Variants in C3 observed in about 807,000 individuals in gnomAD.
C3 encodes complement C3.
In C3, 97 loss-of-function variants were observed where a neutral mutation model predicts 207.9. The observed-to-expected ratio is 0.47, with a 90% CI of 0.40 to 0.55. The LOEUF (loss-of-function observed/expected upper bound fraction) is 0.55, where lower values mean the gene tolerates loss of function less well. C3 is among the 20% of genes least tolerant of loss of function. C3 has a pLI of 0.00. For synonymous variants in C3, 848 were observed against 857.6 expected, an observed-to-expected ratio of 0.99 and a Z score of 0.20; for missense variants, 1,684 against 2,171.7, an observed-to-expected ratio of 0.78 and a Z score of 4.46.
chr19:6,683,698 G>A (rs903582729), intron 33 of C3, among the ~76,000 whole-genome samples: 16 of 152,046 alleles, frequency 1.1e-4, no homozygotes, highest in Admixed American at 3.3e-4. Flanking sequence ...TGATCTGCCC[G>A]CCTCAGCCTC....
At chr19:6,694,729 C>T (rs1333698049) in intron 23 of C3, 95 bp from the exon 24 acceptor site, 7 of 1,167,522 alleles carry the variant, frequency 6.0e-6, no homozygotes, top group East Asian at 2.4e-5. Context: ...CCAGCCAGGG[C>T]CAAGGGGTTA....
At chr19:6,693,567 C>A in intron 24 of C3, 80 bp from the exon 25 acceptor site, 2 of 1,261,110 alleles carry the variant, frequency 1.6e-6, no homozygotes, top group Non-Finnish European at 2.2e-6. Flanking sequence ...GGGCGGGGTG[C>A]AGAGAGGGGA....
Position 6,685,088 on chromosome 19 carries a change from T to C in C3, c.3869A>G (p.Gln1290Arg). 1 of 1,614,084 alleles carries C rather than the reference T, an allele frequency of 6.2e-7. No homozygotes were observed. The highest frequency in any genetic ancestry group is 8.5e-7 in the Non-Finnish European group (1 of 1,179,976). The part of the protein sequence containing the change: ...AQYQKDAPDH[Q>R]ELNLDVSLQL... The stretch of plus-strand genomic sequence containing the variant: ...GAGGGACACATCAAGGTTCAGTTCC[T>C]GGTGGTCAGGGGCGTCCTTTTGGTA... The change falls in exon 30 of 41, where the codon CAG (glutamine) becomes CGG (arginine). Residue 1290 changes from glutamine to arginine, a missense_variant. Coordinates refer to ENST00000245907, the MANE Select transcript of C3 (RefSeq NM_000064.4).
intron 27 of C3, among the ~76,000 whole-genome samples, chr19:6,689,843 A>G (rs11569519): frequency 0.11 from 16,046 of 152,154 alleles, 1,018 homozygotes; most frequent in Non-Finnish European, 0.13. Context: ...TTAGCCGGGT[A>G]TGGTGGCGGG....
At chr19:6,691,676 G>A (rs1918170860) in intron 26 of C3, among the ~76,000 whole-genome samples, 1 of 152,032 alleles carries the variant, frequency 6.6e-6, no homozygotes, top group Admixed American at 6.6e-5. Context: ...GGAGGAATGC[G>A]GGCACTTTTA....
chr19:6,690,664 G>A lies in C3; in HGVS notation c.3454C>T (p.Gln1152Ter). The part of the protein sequence containing the change: ...ALTAFVLISL[Q>*]EAKDICEEQV... ...TCCTCGCAAATATCTTTAGCCTCCT[G>A]CAGCGAGATGAGAACAAAGGCCGTG... The change falls in exon 27 of 41, where the codon CAG (glutamine) becomes TAG (stop). Residue 1152 changes from glutamine to a stop codon, truncating the protein, a stop_gained. Transcript: ENST00000245907. LOFTEE classifies it high-confidence loss of function. The A allele has an allele frequency of 6.2e-7, 1 of 1,614,240 alleles. No homozygotes were observed. Among genetic ancestry groups the A allele is most frequent in the Non-Finnish European group, 8.5e-7 (1 of 1,180,018 alleles).
chr19:6,713,949 T>TC (rs745584373), intron 7 of C3, 43 bp downstream of exon 7: 8 of 1,175,186 alleles, frequency 6.8e-6, no homozygotes, highest in Non-Finnish European at 9.4e-6. Context: ...CTTCACCTGG[T>TC]CCCTCACCTG....
rs930027087 is a variant in C3, at chr19:6,710,690, C to T, written c.1635G>A (p.Glu545=). ...CCACCCACACGGAGTCGGCCACCACCTCCCTCTGGCCGCTGGCACCGATCA... is the reference window on the plus strand; with the variant it reads ...CCACCCACACGGAGTCGGCCACCACTTCCCTCTGGCCGCTGGCACCGATCA... The part of the protein sequence containing the change: ...YTLIGASGQR[E]VVADSVWVDV... The change falls in exon 13 of 41, where the codon GAG becomes GAA. Residue 545 remains glutamate, a synonymous_variant. Transcript: ENST00000245907. 3 of 1,613,606 alleles carry T rather than the reference C, an allele frequency of 1.9e-6. No homozygotes were observed. In the South Asian group the frequency reaches 3.3e-5, roughly 18 times the overall value.
At chr19:6,699,053 C>T (rs1388956013) in intron 19 of C3, among the ~76,000 whole-genome samples, 6 of 152,088 alleles carry the variant, frequency 3.9e-5, no homozygotes, top group Non-Finnish European at 5.9e-5. Context: ...GCCTGGGCCT[C>T]CCAAAGTGCT....
intron 16 of C3, 86 bp downstream of exon 16, chr19:6,707,380 C>T: frequency 6.3e-7 from 1 of 1,595,394 alleles, no homozygotes; most frequent in Non-Finnish European, 8.6e-7. Flanking sequence ...AGGGCCTCCC[C>T]TCCTCCCTCT....
rs149007163 is a variant in C3, at chr19:6,686,182, G to A, written c.3752C>T (p.Pro1251Leu). ...CTGTTCATTGAGCCAACGCACGACG[G>A]GAGGCACAAAGTCAAAGTCTTTTAG... ...LQLKDFDFVP[P>L]VVRWLNEQRY... Residue 1251 changes from proline to leucine, a missense_variant, in exon 29 of 41, where the codon CCC (proline) becomes CTC (leucine). This residue lies in a region of C3 where 1,280 missense variants were observed against 1,739.1 expected (regional missense o/e 0.74). Coordinates refer to ENST00000245907, the MANE Select transcript of C3 (RefSeq NM_000064.4). 6.2e-7 allele frequency: 1 copy of A among 1,614,148 alleles called. No individual in the cohort carries two copies. The highest frequency in any genetic ancestry group is 2.2e-5 in the East Asian group (1 of 44,882).
intron 26 of C3, among the ~76,000 whole-genome samples, 162 bp from the exon 27 acceptor site, chr19:6,690,889 A>T (rs1478991476): frequency 6.6e-6 from 1 of 152,176 alleles, no homozygotes; most frequent in Admixed American, 6.5e-5. Context: ...GTATTAATTC[A>T]TGCAACAATT....
At chr19:6,696,295 G>A in intron 23 of C3, 84 bp downstream of exon 23, 1 of 821,942 alleles carries the variant, frequency 1.2e-6, no homozygotes, top group East Asian at 2.6e-5. Context: ...AAAGGTGCGG[G>A]TTAAACACCT....
chr19:6,698,164 G>A (rs927680195), intron 19 of C3, among the ~76,000 whole-genome samples: 7 of 151,792 alleles, frequency 4.6e-5, no homozygotes, highest in Non-Finnish European at 1.0e-4. Flanking sequence ...CTGCAGGCAC[G>A]CACCACCATG....
chr19:6,697,132 T>C (rs1967556499), intron 21 of C3, among the ~76,000 whole-genome samples: 1 of 151,912 alleles, frequency 6.6e-6, no homozygotes, highest in South Asian at 2.1e-4. Flanking sequence ...ACGAGGTTTT[T>C]GGCACCACCT....
intron 17 of C3, among the ~76,000 whole-genome samples, chr19:6,704,505 TCCCAATACTTTGGGAGGC>T: frequency 6.6e-6 from 1 of 152,140 alleles, no homozygotes; most frequent in East Asian, 1.9e-4. Flanking sequence ...ATGCCTGTAA[TCCCAATACTTTGGGAGGC>T]GGAGGCGGGC....
At chr19:6,686,095 A>T (rs752757825) in intron 29 of C3, 29 bp downstream of exon 29, 1 of 1,612,290 alleles carries the variant, frequency 6.2e-7, no homozygotes, top group African/African-American at 1.3e-5. Context: ...ACAGGGATGC[A>T]TGTGCCTAGG....
At chr19:6,689,246 G>A (rs962053601) in intron 27 of C3, among the ~76,000 whole-genome samples, 5 of 151,840 alleles carry the variant, frequency 3.3e-5, no homozygotes, top group South Asian at 2.1e-4. Flanking sequence ...GCTCAAGGGT[G>A]GAAGTGCCCA....
chr19:6,700,583 GTAATATA>G (rs1457256658), intron 19 of C3, among the ~76,000 whole-genome samples: 1 of 36,234 alleles, frequency 2.8e-5, no homozygotes, highest in Non-Finnish European at 4.0e-5. Context: ...TATTATATAT[GTAATATA>G]TAATATATGA....
Sources: gnomAD v4.1 joint callset for allele counts (sites outside exome capture counted in the v4.1 genomes callset) on GRCh38, gnomAD v4.1.1 for gene constraint, gnomAD v4.1.1 regional missense constraint, MANE v1.5 for transcripts, NCBI Gene and HGNC (gene_info 2026-07-23, HGNC 2026-07-21) for gene names.